Variants in SCRN3 observed in about 807,000 individuals in gnomAD.
SCRN3 encodes secernin-3.
Under a neutral mutation model 43.1 loss-of-function variants are expected in SCRN3, and 39 were observed. The observed-to-expected ratio is 0.91, with a 90% CI of 0.70 to 1.18. The LOEUF is 1.18. SCRN3 is among the 50% of genes most tolerant of loss of function. The probability of loss-of-function intolerance (pLI) is 0.00; values close to 1 mark genes in which losing one functional copy is unlikely to be tolerated. For missense variants in SCRN3, 484 were observed against 498.0 expected, an observed-to-expected ratio of 0.97 and a Z score of 0.27; for synonymous variants, 147 against 163.1, an observed-to-expected ratio of 0.90 and a Z score of 0.75.
chr2:174,407,235 GT>G, intron 5 of SCRN3, among the ~76,000 whole-genome samples: 1 of 39,054 alleles, frequency 2.6e-5, no homozygotes, highest in East Asian at 4.4e-4. Flanking sequence ...AGATTTTCTA[GT>G]TTATTTGCGT....
At chr2:174,402,746 G>T (rs903187869) in intron 4 of SCRN3, among the ~76,000 whole-genome samples, 3 of 152,120 alleles carry the variant, frequency 2.0e-5, no homozygotes, top group African/African-American at 7.2e-5. Flanking sequence ...TCTTCCATCT[G>T]ATTCTTTCAT....
chr2:174,404,205 G>A lies in SCRN3; in HGVS notation c.644G>A (p.Gly215Asp), dbSNP rs150257275. 320 of 1,613,846 alleles carry A rather than the reference G, an allele frequency of 2.0e-4. 1 individual carries two copies. Among genetic ancestry groups the A allele is most frequent in the Non-Finnish European group, 3.4e-6 (4 of 1,179,852 alleles). The change falls in exon 5 of 8, where the codon GGT (glycine) becomes GAT (aspartate). Residue 215 changes from glycine (G) to aspartate (D), a missense_variant. By Grantham distance (94) the Gly-to-Asp change is moderately conservative. Coordinates refer to ENST00000272732, the MANE Select transcript of SCRN3 (RefSeq NM_024583.5). ...GCTAAGCGGAAAGGTTGGTGGGATGGTAAAAAGGAGTTTGATTTTGCTGCA... is the reference window on the plus strand; with the variant it reads ...GCTAAGCGGAAAGGTTGGTGGGATGATAAAAAGGAGTTTGATTTTGCTGCA... ...NYAKRKGWWD[G>D]KKEFDFAAAY...
chr2:174,417,611 T>A (rs930887009), intron 5 of SCRN3, among the ~76,000 whole-genome samples: 1 of 152,196 alleles, frequency 6.6e-6, no homozygotes, highest in African/African-American at 2.4e-5. Context: ...GCCAGGCTGG[T>A]GTCAAACTTC....
In SCRN3 at chr2:174,406,527, G is replaced by A. The variant is rs1203546410; in HGVS notation, c.754+2212G>A. On this transcript the variant is annotated intron_variant, in intron 5 of 7. Coordinates refer to ENST00000272732, the MANE Select transcript of SCRN3 (RefSeq NM_024583.5). ...AGGAGTGGTCAGAGAGGGCATCCCT[G>A]TCTTGTGCCAGTTTTCAAAGGAAAT... 4.0e-5 allele frequency among the ~76,000 whole-genome samples: 6 copies of A among 149,680 alleles called. No homozygotes were observed. In the East Asian group the frequency reaches 1.2e-3, roughly 29 times the overall value.
rs895704788 is a variant in SCRN3 at position 174,428,625 on chromosome 2, A to C, written c.*730A>C. 1 of 152,206 alleles carries C rather than the reference A, an allele frequency of 6.6e-6. No individual in the cohort carries two copies. The highest frequency in any genetic ancestry group is 2.4e-5 in the African/African-American group (1 of 41,464). 9.4% of individuals were successfully genotyped at this position (152,206 alleles called of 1,614,324 possible). The stretch of plus-strand genomic sequence containing the variant: ...TTAGGATATACTGTTTCTGGGTCTG[A>C]AATCTCTCTCATTGTTTACTTCTGT... On this transcript the variant is annotated 3_prime_UTR_variant, in exon 8 of 8. Transcript: ENST00000272732.
At chr2:174,408,574 C>G (rs1223254617) in intron 5 of SCRN3, among the ~76,000 whole-genome samples, 1 of 126,404 alleles carries the variant, frequency 7.9e-6, no homozygotes, top group Non-Finnish European at 1.7e-5. Flanking sequence ...TACATTTTGG[C>G]ATGATTTTGC....
At chr2:174,409,619 A>T (rs1161299997) in intron 5 of SCRN3, among the ~76,000 whole-genome samples, 1 of 132,758 alleles carries the variant, frequency 7.5e-6, no homozygotes, top group Admixed American at 7.6e-5. Context: ...GATGATGGTG[A>T]TGTACAGATG....
intron 5 of SCRN3, among the ~76,000 whole-genome samples, chr2:174,419,610 G>C (rs1574667741): frequency 6.9e-6 from 1 of 143,888 alleles, no homozygotes; most frequent in Admixed American, 6.9e-5. Flanking sequence ...CAAACTCCTG[G>C]GCTCACAGTA....
chr2:174,419,011 T>C (rs185875664), intron 5 of SCRN3, among the ~76,000 whole-genome samples: 138 of 152,354 alleles, frequency 9.1e-4, no homozygotes, highest in African/African-American at 3.0e-3. Context: ...ATAAAATAGT[T>C]GGTAGCCTGC....
chr2:174,421,464 G>A (rs1686291475), intron 5 of SCRN3, among the ~76,000 whole-genome samples: 1 of 152,192 alleles, frequency 6.6e-6, no homozygotes, highest in African/African-American at 2.4e-5. Context: ...ATTTCATGGA[G>A]CACTCTATTT....
chr2:174,404,546 A>G (rs1287639316), intron 5 of SCRN3, among the ~76,000 whole-genome samples: 214 of 144,610 alleles, frequency 1.5e-3, no homozygotes, highest in South Asian at 2.7e-3. Flanking sequence ...ATGCTGGTGC[A>G]CTGCACCCAC....
intron 5 of SCRN3, among the ~76,000 whole-genome samples, chr2:174,416,351 G>T (rs1686108051): frequency 6.6e-6 from 1 of 152,188 alleles, no homozygotes; most frequent in Non-Finnish European, 1.5e-5. Flanking sequence ...GTTAGAGAGA[G>T]AAAGATGTCA....
intron 5 of SCRN3, among the ~76,000 whole-genome samples, chr2:174,413,707 C>T (rs1686009577): frequency 6.7e-6 from 1 of 148,990 alleles, no homozygotes; most frequent in Non-Finnish European, 1.5e-5. Context: ...TCTCTTGTGT[C>T]AGCCTCTTGA....
intron 5 of SCRN3, among the ~76,000 whole-genome samples, chr2:174,412,552 CCTCT>C (rs1381294787): frequency 6.6e-6 from 1 of 152,044 alleles, no homozygotes; most frequent in Non-Finnish European, 1.5e-5. Flanking sequence ...TGCTTTTTGC[CCTCT>C]CTCTGTTTTC....
At chr2:174,398,136 A>C in intron 1 of SCRN3, 139 bp from the exon 2 acceptor site, 1 of 534,040 alleles carries the variant, frequency 1.9e-6, no homozygotes, top group Non-Finnish European at 3.0e-6. Context: ...TCCAAAAAAT[A>C]AAAATAAAAA....
In SCRN3 at chr2:174,404,122, T is replaced by C. The variant is rs1685597477; in HGVS notation, c.561T>C (p.Ser187=). The C allele has an allele frequency of 6.2e-7, 1 of 1,613,400 alleles. No homozygotes were observed. The highest frequency in any genetic ancestry group is 1.3e-5 in the African/African-American group (1 of 74,902). Residue 187 remains serine, a synonymous_variant, in exon 5 of 8, where the codon TCT becomes TCC. Transcript: ENST00000272732. ...AAATAGAGGGAGTTCGTAATATTTC[T>C]AATCAACTTTCCATAACAACCAAGA... ...EKVQEGVRNI[S]NQLSITTKIA...
chr2:174,398,242 C>T (rs41270193), intron 1 of SCRN3, 33 bp from the exon 2 acceptor site: 318,161 of 1,364,042 alleles, frequency 0.23, 39,058 homozygotes, highest in Middle Eastern at 0.33. Flanking sequence ...TAAAAGTGTT[C>T]TTTTTATTTT....
intron 6 of SCRN3, among the ~76,000 whole-genome samples, chr2:174,423,501 G>A (rs559911041): frequency 1.3e-5 from 2 of 152,164 alleles, no homozygotes; most frequent in Admixed American, 6.5e-5. Flanking sequence ...ACAGAGTCTC[G>A]CTCTGTCACC....
chr2:174,412,908 C>A (rs1350643391), intron 5 of SCRN3, among the ~76,000 whole-genome samples: 1 of 133,416 alleles, frequency 7.5e-6, no homozygotes, highest in African/African-American at 2.7e-5. Context: ...ACTCTTGTTG[C>A]CCAGGCTGGA....
Sources: allele counts gnomAD v4.1 joint callset (sites outside exome capture counted in the v4.1 genomes callset), GRCh38; gene constraint gnomAD v4.1.1; transcripts MANE v1.5; gene names NCBI Gene and HGNC (gene_info 2026-07-23, HGNC 2026-07-21).